The following DAAM1 variants were observed in gnomAD, a reference collection of about 807,000 sequenced individuals.
DAAM1 encodes the protein dishevelled associated activator of morphogenesis 1, also known as disheveled-associated activator of morphogenesis 1.
Under a neutral mutation model 130.0 loss-of-function variants are expected in DAAM1, and 52 were observed. The observed-to-expected ratio is 0.40, with a 90% CI of 0.32 to 0.50. The LOEUF is 0.50. Among genes scored for constraint, DAAM1 ranks in the 20% least tolerant of loss-of-function variants. The pLI is 0.61. For synonymous variants in DAAM1, 452 were observed against 444.5 expected, an observed-to-expected ratio of 1.02 and a Z score of -0.21; for missense variants, 1,134 against 1,303.8, an observed-to-expected ratio of 0.87 and a Z score of 2.01.
intron 18 of DAAM1, among the ~76,000 whole-genome samples, chr14:59,353,366 A>T (rs146129272): frequency 6.6e-6 from 1 of 152,334 alleles, no homozygotes; most frequent in Non-Finnish European, 1.5e-5. Context: ...AGGTTTGCAG[A>T]TGGGAGTGAG....
chr14:59,295,583 G>T (rs973180751), intron 3 of DAAM1, among the ~76,000 whole-genome samples: 5 of 152,194 alleles, frequency 3.3e-5, no homozygotes, highest in Non-Finnish European at 7.3e-5. Context: ...AGTTCCTGGA[G>T]AGCTGAAGCC....
Position 59,315,347 on chromosome 14 carries a change from C to G in DAAM1, c.341C>G (p.Ala114Gly). The G allele has an allele frequency of 6.2e-7, 1 of 1,613,674 alleles. No individual in the cohort carries two copies. The highest frequency in any genetic ancestry group is 8.5e-7 in the Non-Finnish European group (1 of 1,179,728). ...EFYIDQLNSM[A>G]ARKSLLALEK... ...TACATTGATCAGCTCAATTCCATGG[C>G]TGCTGTAAGTAGACTTTTATGTTCT... The change falls in exon 4 of 25, where the codon GCT becomes GGT. Residue 114 changes from alanine to glycine, a missense_variant. Transcript: ENST00000360909.
At chr14:59,276,691 C>T (rs1271032585) in intron 2 of DAAM1, among the ~76,000 whole-genome samples, 1 of 152,122 alleles carries the variant, frequency 6.6e-6, no homozygotes, top group Non-Finnish European at 1.5e-5. Flanking sequence ...TTAGACTTGT[C>T]TGAGTAAGAA....
rs1165540807 is a variant in DAAM1 at position 59,359,389 on chromosome 14, A to G, written c.2526-8A>G. 1.3e-6 allele frequency: 2 copies of G among 1,591,418 alleles called. No individual in the cohort carries two copies. Among genetic ancestry groups the G allele is most frequent in the Non-Finnish European group, 1.7e-6 (2 of 1,160,652 alleles). On this transcript the variant is annotated splice_region_variant and splice_polypyrimidine_tract_variant and intron_variant, in intron 20 of 24. Transcript: ENST00000360909. ...AATGTTTAATACTCTTCCCTTCTTC[A>G]ATTGTAGAAACATTACCCTTTTGCA...
chr14:59,322,716 C>A (rs1049455771), intron 5 of DAAM1, among the ~76,000 whole-genome samples, 176 bp from the exon 6 acceptor site: 13 of 152,150 alleles, frequency 8.5e-5, no homozygotes, highest in Middle Eastern at 3.4e-3. Context: ...TTGGTTAGAA[C>A]TGACTATTGG....
intron 3 of DAAM1, among the ~76,000 whole-genome samples, chr14:59,311,040 G>T (rs1251663105): frequency 6.6e-6 from 1 of 152,090 alleles, no homozygotes; most frequent in East Asian, 1.9e-4. Flanking sequence ...TATTAAGAAA[G>T]TGTCCTGTGC....
chr14:59,306,839 C>G (rs925522192), intron 3 of DAAM1, among the ~76,000 whole-genome samples: 8 of 152,124 alleles, frequency 5.3e-5, no homozygotes, highest in Admixed American at 1.3e-4. Context: ...GTTTGAGACT[C>G]AGTGATGCAC....
intron 1 of DAAM1, among the ~76,000 whole-genome samples, chr14:59,253,025 T>C (rs1437606143): frequency 6.6e-6 from 1 of 152,224 alleles, no homozygotes; most frequent in Non-Finnish European, 1.5e-5. Flanking sequence ...TAATCTTAGA[T>C]TTTTTCGTGT....
intron 1 of DAAM1, among the ~76,000 whole-genome samples, chr14:59,195,543 T>A (rs1040109028): frequency 6.6e-6 from 1 of 152,206 alleles, no homozygotes; most frequent in African/African-American, 2.4e-5. Flanking sequence ...TAAGGCTACC[T>A]GTATTTCTGC....
At chr14:59,290,093 T>G (rs908929690) in intron 2 of DAAM1, among the ~76,000 whole-genome samples, 2 of 152,014 alleles carry the variant, frequency 1.3e-5, no homozygotes, top group African/African-American at 4.8e-5. Flanking sequence ...GAGTTACCTA[T>G]GTAACAAACC....
chr14:59,327,226 G>A (rs1721867837), intron 12 of DAAM1, among the ~76,000 whole-genome samples: 1 of 151,840 alleles, frequency 6.6e-6, no homozygotes, highest in Non-Finnish European at 1.5e-5. Context: ...GTTTTGAAAA[G>A]CTTATAGCAT....
intron 1 of DAAM1, among the ~76,000 whole-genome samples, chr14:59,242,114 T>A (rs1881151234): frequency 6.6e-6 from 1 of 152,232 alleles, no homozygotes; most frequent in African/African-American, 2.4e-5. Flanking sequence ...TTAACTAAAG[T>A]CACAGAGCTA....
intron 15 of DAAM1, among the ~76,000 whole-genome samples, chr14:59,334,101 T>C (rs2139640389): frequency 6.6e-6 from 1 of 152,340 alleles, no homozygotes; most frequent in Non-Finnish European, 1.5e-5. Context: ...GCTTGAGTAA[T>C]TCAAGTAGGT....
chr14:59,271,430 G>T (rs112475139), intron 2 of DAAM1, among the ~76,000 whole-genome samples: 1 of 152,052 alleles, frequency 6.6e-6, no homozygotes, highest in Non-Finnish European at 1.5e-5. Context: ...GAGGACATTC[G>T]CAGGATTAGT....
intron 20 of DAAM1, among the ~76,000 whole-genome samples, chr14:59,358,608 C>T (rs1455755077): frequency 6.6e-6 from 1 of 151,968 alleles, no homozygotes; most frequent in Non-Finnish European, 1.5e-5. Flanking sequence ...TTTGGGAGGC[C>T]GAGGCGGGTG....
At chr14:59,318,548 T>C (rs1177707595) in intron 4 of DAAM1, among the ~76,000 whole-genome samples, 1 of 151,244 alleles carries the variant, frequency 6.6e-6, no homozygotes, top group Non-Finnish European at 1.5e-5. Flanking sequence ...CTACTAAAAG[T>C]TGCAAATTAA....
chr14:59,254,971 C>T (rs1316796367), intron 1 of DAAM1, among the ~76,000 whole-genome samples: 3 of 152,170 alleles, frequency 2.0e-5, no homozygotes, highest in African/African-American at 4.8e-5. Context: ...GGGTGCCCTC[C>T]TCCCTTATCT....
rs113047129 is a variant in DAAM1 at position 59,343,920 on chromosome 14, G to A, written c.2076-3619G>A. Among the ~76,000 whole-genome samples the A allele has an allele frequency of 2.0e-5, 3 of 152,316 alleles. 1 individual carries two copies. The highest frequency in any genetic ancestry group is 7.2e-5 in the African/African-American group (3 of 41,570). On this transcript the variant is annotated intron_variant, in intron 16 of 24. Transcript: ENST00000360909. ...CATGGGAAGAGAGTAGAATGGGCACGTCTTAGAGACGTTCCTCAGGTCCTC... is the reference window on the plus strand; with the variant it reads ...CATGGGAAGAGAGTAGAATGGGCACATCTTAGAGACGTTCCTCAGGTCCTC...
At chr14:59,350,991 A>G (rs757343980) in intron 17 of DAAM1, among the ~76,000 whole-genome samples, 17 of 152,078 alleles carry the variant, frequency 1.1e-4, no homozygotes, top group Non-Finnish European at 1.9e-4. Context: ...CCAGCTGCCT[A>G]CTAGAAATCA....
Sources: gnomAD v4.1 joint callset for allele counts (sites outside exome capture counted in the v4.1 genomes callset) on GRCh38, gnomAD v4.1.1 for gene constraint, MANE v1.5 for transcripts, NCBI Gene and HGNC (gene_info 2026-07-23, HGNC 2026-07-21) for gene names.